Variants in DDX6 observed in about 807,000 individuals in gnomAD.
DDX6 encodes the protein probable ATP-dependent RNA helicase DDX6.
In DDX6, 7 loss-of-function variants were observed where a neutral mutation model predicts 60.6. The observed-to-expected ratio is 0.12, with a 90% CI of 0.07 to 0.22. The LOEUF (loss-of-function observed/expected upper bound fraction) is 0.22. Ranked by LOEUF, DDX6 falls within the 10% of genes least tolerant of loss-of-function variation. The pLI is 1.00. For synonymous variants in DDX6, 207 were observed against 201.0 expected (o/e 1.03, Z -0.25); for missense variants, 270 against 589.9 (o/e 0.46, Z 5.62).
intron 4 of DDX6, among the ~76,000 whole-genome samples, chr11:118,774,464 CTTTT>C (rs11442846): frequency 1.7e-5 from 2 of 116,394 alleles, no homozygotes; most frequent in Non-Finnish European, 3.4e-5. Context: ...CTCTAACAGT[CTTTT>C]TTTTTTTTTT....
intron 7 of DDX6, among the ~76,000 whole-genome samples, chr11:118,761,354 C>T (rs553735114): frequency 1.1e-4 from 16 of 152,280 alleles, no homozygotes; most frequent in East Asian, 9.7e-4. Context: ...TGGTGGCTCA[C>T]GCCTGTAATC....
At position 118,753,851 on chromosome 11, in the gene DDX6, T is replaced by G. The variant is rs191090086; in HGVS notation, c.*7+854A>C. Among the ~76,000 whole-genome samples, 1,219 of 152,064 alleles carry G rather than the reference T, an allele frequency of 8.0e-3. 17 individuals are homozygous for G. The highest frequency in any genetic ancestry group is 0.028 in the African/African-American group (1,143 of 41,478). On this transcript the variant is annotated intron_variant, in intron 13 of 13. Coordinates refer to ENST00000534980, the MANE Select transcript of DDX6 (RefSeq NM_004397.6). The stretch of plus-strand genomic sequence containing the variant: ...TCACACCTGTAATCCCAGCCTCCCT[T>G]TAGGAGGCTGAGGCGGGTAGATCAC...
At position 118,754,858 on chromosome 11, in the gene DDX6, T is replaced by C; in HGVS notation, c.1306A>G (p.Asn436Asp). ...AAGCGATCATCATATGTGATCAAGT[T>C]GATGGCTAAGCCAAGATGACCAAAG... ...GRFGHLGLAI[N>D]LITYDDRFNL... Residue 436 changes from asparagine to aspartate, a missense_variant, in exon 13 of 14, where the codon AAC becomes GAC. This residue lies in a region of DDX6 where 34 missense variants were observed against 59.4 expected (regional missense o/e 0.57). Transcript: ENST00000534980. 1.9e-6 allele frequency: 3 copies of C among 1,608,078 alleles called. No homozygotes were observed. The highest frequency in any genetic ancestry group is 2.5e-6 in the Non-Finnish European group (3 of 1,178,524).
At chr11:118,774,280 C>T (rs782313549) in intron 4 of DDX6, among the ~76,000 whole-genome samples, 1 of 152,066 alleles carries the variant, frequency 6.6e-6, no homozygotes, top group Non-Finnish European at 1.5e-5. Context: ...AGTCTAGGTT[C>T]CTATAAAGCT....
intron 4 of DDX6, among the ~76,000 whole-genome samples, chr11:118,769,254 C>T (rs868976472): frequency 6.6e-6 from 1 of 152,228 alleles, no homozygotes; most frequent in East Asian, 1.9e-4. Context: ...CAACAAAACA[C>T]GAATAGGCTG....
Position 118,751,047 on chromosome 11 carries a change from A to C in DDX6, c.*1058T>G, listed in dbSNP as rs1229021459. Reference sequence around the variant, plus strand: ...CCCTTAATCCCAGCAACCTTCATCCAAAAAAAAATATATATATATGTATAT... The same window carrying C: ...CCCTTAATCCCAGCAACCTTCATCCCAAAAAAAATATATATATATGTATAT... On this transcript the variant is annotated 3_prime_UTR_variant, in exon 14 of 14. Coordinates refer to ENST00000534980, the MANE Select transcript of DDX6 (RefSeq NM_004397.6). 1 of 137,920 alleles carries C rather than the reference A, an allele frequency of 7.3e-6. No individual in the cohort carries two copies. The highest frequency in any genetic ancestry group is 1.6e-5 in the Non-Finnish European group (1 of 63,694). 8.5% of individuals were successfully genotyped at this position (137,920 alleles called of 1,614,324 possible). A position where few individuals can be genotyped will look rare whatever the true frequency, so the allele number is the denominator to read the frequency against.
chr11:118,788,644 C>G (rs966423462), intron 1 of DDX6: 2 of 151,992 alleles, frequency 1.3e-5, no homozygotes, highest in South Asian at 2.1e-4. Flanking sequence ...GTGATCCGCC[C>G]GCCTCGGCCT....
At chr11:118,755,171 T>G (rs1400010697) in intron 12 of DDX6, among the ~76,000 whole-genome samples, 1 of 152,222 alleles carries the variant, frequency 6.6e-6, no homozygotes, top group African/African-American at 2.4e-5. Context: ...TACCACCTAA[T>G]GAGTGAAGTT....
chr11:118,759,051 A>C, intron 8 of DDX6, 149 bp from the exon 9 acceptor site: 1 of 1,070,984 alleles, frequency 9.3e-7, no homozygotes, highest in East Asian at 2.8e-5. Flanking sequence ...ATGATCTGTC[A>C]TTACAGAATT....
chr11:118,784,070 A>G (rs1426268288), intron 2 of DDX6, among the ~76,000 whole-genome samples: 2 of 144,006 alleles, frequency 1.4e-5, no homozygotes, highest in East Asian at 4.1e-4. Context: ...CCTAGGCAAC[A>G]AAGTGAGACC....
intron 4 of DDX6, among the ~76,000 whole-genome samples, chr11:118,770,781 C>T (rs1401591363): frequency 3.3e-5 from 5 of 151,184 alleles, no homozygotes; most frequent in African/African-American, 1.2e-4. Flanking sequence ...ACTTGGGAGC[C>T]TGAGGTAGGA....
chr11:118,755,424 A>G lies in DDX6; in HGVS notation c.1254T>C (p.Tyr418=). The change falls in exon 12 of 14, where the codon TAT becomes TAC. Residue 418 remains tyrosine (Y), a synonymous_variant. Transcript: ENST00000534980. ...NFDFPKLAET[Y]LHRIGRSGRF... ...CACCTGATCTTCCAATACGATGGAG[A>G]TAGGTCTCTGCCAGCTTTGGGAAAT... 6.2e-7 allele frequency: 1 copy of G among 1,608,640 alleles called. No individual in the cohort carries two copies. The highest frequency in any genetic ancestry group is 8.5e-7 in the Non-Finnish European group (1 of 1,175,452).
chr11:118,773,555 G>C (rs1402046688), intron 4 of DDX6, among the ~76,000 whole-genome samples: 1 of 151,938 alleles, frequency 6.6e-6, no homozygotes, highest in Non-Finnish European at 1.5e-5. Flanking sequence ...CTGGGCGACA[G>C]AGCGAGACTC....
chr11:118,774,791 A>G (rs1414000837), intron 4 of DDX6, among the ~76,000 whole-genome samples: 1 of 152,080 alleles, frequency 6.6e-6, no homozygotes, highest in Admixed American at 6.6e-5. Flanking sequence ...AATGCAGAAG[A>G]CTCACCCATC....
rs1591925039 is a variant in DDX6, at chr11:118,783,826, T to TAAAAAAAAAAAAAAAAAA, written c.200+2225_200+2226insTTTTTTTTTTTTTTTTTT. Among the ~76,000 whole-genome samples the TAAAAAAAAAAAAAAAAAA allele has an allele frequency of 7.2e-5, 4 of 55,470 alleles. 1 individual carries two copies. The highest frequency in any genetic ancestry group is 6.5e-4 in the East Asian group (1 of 1,530). 36.4% of individuals were successfully genotyped at this position (55,470 alleles called of 152,430 possible). On this transcript the variant is annotated intron_variant, in intron 2 of 13. Coordinates refer to ENST00000534980, the MANE Select transcript of DDX6 (RefSeq NM_004397.6). ...AGTCCATCTCAAAAAAAAAAAAAATTAAAAATAGGCTGGGCGCAGTGGCTC... is the reference window on the plus strand; with the variant it reads ...AGTCCATCTCAAAAAAAAAAAAAATTAAAAAAAAAAAAAAAAAAAAAAATAGGCTGGGCGCAGTGGCTC...
At position 118,780,114 on chromosome 11, in the gene DDX6, CAAAAAAAAAAAAAAA is replaced by C. The variant is rs71044492; in HGVS notation, c.265-393_265-379del. ...GGGGGGACAGAGCCAGACTCTATCTCAAAAAAAAAAAAAAAAAAAAAAAAAAAGGAAAGAAAACTT... is the reference window on the plus strand; with the variant it reads ...GGGGGGACAGAGCCAGACTCTATCTCAAAAAAAAAAAAGGAAAGAAAACTT... On this transcript the variant is annotated intron_variant, in intron 3 of 13. Coordinates refer to ENST00000534980, the MANE Select transcript of DDX6 (RefSeq NM_004397.6). 1.2e-4 allele frequency among the ~76,000 whole-genome samples: 5 copies of C among 40,284 alleles called. No individual in the cohort carries two copies. The Admixed American group carries it at 1.4e-3, about 11-fold the overall frequency. The allele number at this position is 40,284 out of a possible 152,430, so 26.4% of individuals were successfully genotyped here. A position where few individuals can be genotyped will look rare whatever the true frequency, so the allele number is the denominator to read the frequency against.
chr11:118,784,150 C>T (rs1861997180), intron 2 of DDX6, among the ~76,000 whole-genome samples: 1 of 151,190 alleles, frequency 6.6e-6, no homozygotes, highest in Non-Finnish European at 1.5e-5. Context: ...AACCTACTTA[C>T]ATTCTGCCAA....
intron 13 of DDX6, 22 bp from the exon 14 acceptor site, chr11:118,752,119 A>G: frequency 4.6e-6 from 1 of 216,002 alleles, no homozygotes; most frequent in Non-Finnish European, 9.6e-6. Context: ...GAGAATACAA[A>G]ATTAACATTC....
chr11:118,773,559 G>A (rs1169021024), intron 4 of DDX6, among the ~76,000 whole-genome samples: 7 of 151,994 alleles, frequency 4.6e-5, no homozygotes, highest in African/African-American at 7.2e-5. Context: ...GCGACAGAGC[G>A]AGACTCTGTC....
Sources: gnomAD v4.1 joint callset for allele counts (sites outside exome capture counted in the v4.1 genomes callset) on GRCh38, gnomAD v4.1.1 for gene constraint, gnomAD v4.1.1 regional missense constraint, MANE v1.5 for transcripts, NCBI Gene and HGNC (gene_info 2026-07-23, HGNC 2026-07-21) for gene names.